The following PDE3A variants were observed in gnomAD, a reference collection of about 807,000 sequenced individuals.
PDE3A encodes cGMP-inhibited 3',5'-cyclic phosphodiesterase 3A.
Under a neutral mutation model 98.3 loss-of-function variants are expected in PDE3A, and 43 were observed. The ratio of observed to expected loss-of-function variants is 0.44; its 90% CI spans 0.34 to 0.56. The LOEUF (loss-of-function observed/expected upper bound fraction) is 0.56. Ranked by LOEUF, PDE3A falls within the 20% of genes least tolerant of loss-of-function variation. The pLI, the probability that PDE3A is intolerant of heterozygous loss-of-function variation, is 0.01. For missense variants in PDE3A, 1,427 were observed against 1,440.7 expected (o/e 0.99, Z 0.15); for synonymous variants, 663 against 567.9 (o/e 1.17, Z -2.38).
At chr12:20,453,644 A>C (rs1214280686) in intron 1 of PDE3A, among the ~76,000 whole-genome samples, 1 of 152,188 alleles carries the variant, frequency 6.6e-6, no homozygotes, top group African/African-American at 2.4e-5. Context: ...GTAAAATGTT[A>C]GATACTTTTT....
intron 5 of PDE3A, among the ~76,000 whole-genome samples, chr12:20,623,311 G>A (rs537166109): frequency 7.0e-4 from 106 of 152,204 alleles, no homozygotes; most frequent in Non-Finnish European, 8.2e-4. Flanking sequence ...GTGAAGCCTA[G>A]TAAATGGAAA....
At chr12:20,383,111 A>C (rs867507790) in intron 1 of PDE3A, among the ~76,000 whole-genome samples, 10 of 151,840 alleles carry the variant, frequency 6.6e-5, no homozygotes, top group Admixed American at 1.3e-4. Flanking sequence ...AGAGATATTT[A>C]AAAAAATTGG....
chr12:20,641,624 T>C (rs35049595), intron 10 of PDE3A, among the ~76,000 whole-genome samples: 42,177 of 152,096 alleles, frequency 0.28, 6,022 homozygotes, highest in Non-Finnish European at 0.3. Flanking sequence ...CTAAACTCCA[T>C]AGACATAACT....
In PDE3A at chr12:20,685,409, CAAAAAAAAAAAAAAA is replaced by C. The variant is rs71442269; in HGVS notation, c.*5147_*5161del. ...GGGCAACAGGAGTTAAATTTTGCCTCAAAAAAAAAAAAAAAAAAAAAAAGAACATTTTTTGGCAAA... is the reference window on the plus strand; with the variant it reads ...GGGCAACAGGAGTTAAATTTTGCCTCAAAAAAAAGAACATTTTTTGGCAAA... On this transcript the variant is annotated 3_prime_UTR_variant, in exon 16 of 16. Coordinates refer to ENST00000359062, the MANE Select transcript of PDE3A (RefSeq NM_000921.5). Among the ~76,000 whole-genome samples the C allele has an allele frequency of 4.1e-5, 3 of 73,794 alleles. No homozygotes were observed. The highest frequency in any genetic ancestry group is 3.8e-4 in the East Asian group (1 of 2,600). 48.4% of individuals were successfully genotyped at this position (73,794 alleles called of 152,430 possible).
intron 2 of PDE3A, among the ~76,000 whole-genome samples, chr12:20,601,879 C>G (rs1943601873): frequency 6.6e-6 from 1 of 152,066 alleles, no homozygotes; most frequent in African/African-American, 2.4e-5. Context: ...ATACTGCCAT[C>G]TGTTGTTCAC....
chr12:20,464,965 A>G (rs920209650), intron 1 of PDE3A, among the ~76,000 whole-genome samples: 2 of 152,242 alleles, frequency 1.3e-5, no homozygotes, highest in East Asian at 3.8e-4. Flanking sequence ...TCTCAGTATT[A>G]TGAATTAAGA....
chr12:20,517,988 C>G (rs1592010284), intron 1 of PDE3A, among the ~76,000 whole-genome samples: 1 of 152,194 alleles, frequency 6.6e-6, no homozygotes, highest in African/African-American at 2.4e-5. Flanking sequence ...GAAACACTGA[C>G]TGTGCTATGT....
At chr12:20,496,380 C>CTCCTTAGAACTTGT (rs1304251322) in intron 1 of PDE3A, among the ~76,000 whole-genome samples, 1 of 152,162 alleles carries the variant, frequency 6.6e-6, no homozygotes, top group East Asian at 1.9e-4. Flanking sequence ...TACCATTATG[C>CTCCTTAGAACTTGT]TCCTTAGAAC....
intron 1 of PDE3A, among the ~76,000 whole-genome samples, chr12:20,460,070 C>A (rs1591955088): frequency 6.6e-6 from 1 of 152,206 alleles, no homozygotes; most frequent in Non-Finnish European, 1.5e-5. Flanking sequence ...CCATAGTCAC[C>A]TACGGTGGCT....
rs987587656 is a variant in PDE3A at position 20,552,975 on chromosome 12, C to T, written c.961-3685C>T. On this transcript the variant is annotated intron_variant, in intron 1 of 15. Transcript: ENST00000359062. This position sits in a 1 kb window ranked among gnomAD's most constrained non-coding sequence, Gnocchi z 5.1. ...TGAACCAGCCTCTGCAGACCGTCCT[C>T]AACCAGCTCTTCCCCGGCTACGGCA... The T allele has an allele frequency of 4.4e-6, 7 of 1,577,348 alleles. No individual in the cohort carries two copies. In the African/African-American group the frequency reaches 6.8e-5, roughly 15 times the overall value.
At chr12:20,419,490 T>C (rs1944475871) in intron 1 of PDE3A, among the ~76,000 whole-genome samples, 3 of 151,738 alleles carry the variant, frequency 2.0e-5, no homozygotes, top group Non-Finnish European at 4.4e-5. Flanking sequence ...AATTTTCTTT[T>C]AGAGACAGGG....
intron 1 of PDE3A, among the ~76,000 whole-genome samples, chr12:20,372,348 A>G (rs1565528198): frequency 6.6e-6 from 1 of 152,090 alleles, no homozygotes; most frequent in Non-Finnish European, 1.5e-5. Context: ...CTTATGCTTG[A>G]TGGAAACACA....
In PDE3A at chr12:20,682,338, A is replaced by G. The variant is rs1350323314; in HGVS notation, c.*2067A>G. On this transcript the variant is annotated 3_prime_UTR_variant, in exon 16 of 16. Coordinates refer to ENST00000359062, the MANE Select transcript of PDE3A (RefSeq NM_000921.5). ...TTCCAGTTTTTATTTTCTCTGACGT[A>G]GTAGAAAGGAATGTTTACATTAAAA... The G allele has an allele frequency of 6.6e-6, 1 of 152,238 alleles. No homozygotes were observed. The highest frequency in any genetic ancestry group is 2.1e-4 in the South Asian group (1 of 4,834). 9.4% of individuals were successfully genotyped at this position (152,238 alleles called of 1,614,324 possible).
rs191819680 is a variant in PDE3A at position 20,435,229 on chromosome 12, C to T, written c.960+64985C>T. 1.7e-4 allele frequency among the ~76,000 whole-genome samples: 26 copies of T among 152,264 alleles called. No homozygotes were observed. In the East Asian group the frequency reaches 1.9e-3, roughly 11 times the overall value. ...TAGAGTCAACTGTGAGATTCTTGGT[C>T]GTGGAACATTTTCATTCCATTACTA... On this transcript the variant is annotated intron_variant, in intron 1 of 15. Transcript: ENST00000359062.
chr12:20,375,637 C>A (rs1015370493), intron 1 of PDE3A, among the ~76,000 whole-genome samples: 1 of 151,872 alleles, frequency 6.6e-6, no homozygotes, highest in African/African-American at 2.4e-5. Flanking sequence ...ATCAACCTAC[C>A]AGGTCTCAAA....
chr12:20,581,603 TTTC>T (rs1481092518), intron 2 of PDE3A, among the ~76,000 whole-genome samples: 3 of 103,922 alleles, frequency 2.9e-5, no homozygotes, highest in Admixed American at 1.6e-4. Context: ...TGTACATAGA[TTTC>T]TTTTCTTTTC....
At chr12:20,443,054 A>G (rs1007336591) in intron 1 of PDE3A, among the ~76,000 whole-genome samples, 1 of 150,454 alleles carries the variant, frequency 6.6e-6, no homozygotes, top group African/African-American at 2.4e-5. Context: ...AAATTCTACA[A>G]TGAAATGCTC....
intron 1 of PDE3A, among the ~76,000 whole-genome samples, chr12:20,530,018 A>G (rs1238429469): frequency 2.0e-5 from 3 of 152,068 alleles, no homozygotes; most frequent in Non-Finnish European, 4.4e-5. Context: ...TCTGTTGTCC[A>G]TTTTTTTGGT....
At chr12:20,609,819 A>C (rs976647943) in intron 2 of PDE3A, among the ~76,000 whole-genome samples, 1 of 152,048 alleles carries the variant, frequency 6.6e-6, no homozygotes, top group African/African-American at 2.4e-5. Flanking sequence ...CTTTGATAAA[A>C]GGTGCTGAGA....
Sources: gnomAD v4.1 joint callset for allele counts (sites outside exome capture counted in the v4.1 genomes callset) on GRCh38, gnomAD v4.1.1 for gene constraint, Gnocchi (gnomAD v3.1) non-coding constraint, MANE v1.5 for transcripts, NCBI Gene and HGNC (gene_info 2026-07-23, HGNC 2026-07-21) for gene names.